ATXN1: variants seen among roughly 807,000 people sequenced by gnomAD.
The protein encoded by ATXN1 is ataxin-1.
Under a neutral mutation model 56.4 loss-of-function variants are expected in ATXN1, and 8 were observed. The observed-to-expected ratio is 0.14, with a 90% CI of 0.08 to 0.26. The LOEUF is 0.26. Among genes scored for constraint, ATXN1 ranks in the 10% least tolerant of loss-of-function variants. The probability of loss-of-function intolerance (pLI) is 1.00; values close to 1 mark genes in which losing one functional copy is unlikely to be tolerated. For synonymous variants in ATXN1, 514 were observed against 494.6 expected, an observed-to-expected ratio of 1.04 and a Z score of -0.52; for missense variants, 987 against 1,106.5, an observed-to-expected ratio of 0.89 and a Z score of 1.53.
chr6:16,625,864 A>C (rs551037548), intron 3 of ATXN1, among the ~76,000 whole-genome samples: 75 of 152,324 alleles, frequency 4.9e-4, no homozygotes, highest in Non-Finnish European at 8.8e-4. Context: ...TCTAGGTACC[A>C]AGCATTCCAG....
intron 6 of ATXN1, among the ~76,000 whole-genome samples, chr6:16,429,329 G>T (rs1759227077): frequency 7.0e-6 from 1 of 143,124 alleles, no homozygotes; most frequent in African/African-American, 2.6e-5. Flanking sequence ...AATATATGCA[G>T]AAATTTGACA....
intron 5 of ATXN1, among the ~76,000 whole-genome samples, chr6:16,515,209 G>A (rs1296880952): frequency 9.9e-5 from 15 of 151,810 alleles, no homozygotes; most frequent in Admixed American, 7.2e-4. Context: ...ATCTCCTTAC[G>A]CCTGCAACTG....
At chr6:16,524,286 C>T (rs1761349244) in intron 4 of ATXN1, among the ~76,000 whole-genome samples, 1 of 152,086 alleles carries the variant, frequency 6.6e-6, no homozygotes, top group African/African-American at 2.4e-5. Flanking sequence ...GGTGGGGCTG[C>T]AAAGACAAAG....
chr6:16,357,015 T>G (rs959482575), intron 6 of ATXN1, among the ~76,000 whole-genome samples: 2 of 152,136 alleles, frequency 1.3e-5, no homozygotes, highest in Non-Finnish European at 2.9e-5. Flanking sequence ...CTCTTTATAT[T>G]CTTTTCACCA....
intron 6 of ATXN1, among the ~76,000 whole-genome samples, chr6:16,443,977 G>C (rs369739804): frequency 6.6e-6 from 1 of 152,028 alleles, no homozygotes; most frequent in Non-Finnish European, 1.5e-5. Context: ...TTAGCCAGGC[G>C]TGGTGGCGGG....
chr6:16,630,021 A>T lies in ATXN1; in HGVS notation c.-489+27755T>A, dbSNP rs1763478003. The stretch of plus-strand genomic sequence containing the variant: ...TTTTAACATCTTGCCCATTTATTAG[A>T]TATTATAAAGGTTAAGATGAAAATG... On this transcript the variant is annotated intron_variant, in intron 3 of 7. Coordinates refer to ENST00000436367, the MANE Select transcript of ATXN1 (RefSeq NM_001128164.2). Among the ~76,000 whole-genome samples, 4 of 152,012 alleles carry T rather than the reference A, an allele frequency of 2.6e-5. No homozygotes were observed. In the South Asian group the frequency reaches 8.3e-4, roughly 32 times the overall value.
chr6:16,480,823 T>C (rs897786973), intron 6 of ATXN1, among the ~76,000 whole-genome samples: 1 of 152,092 alleles, frequency 6.6e-6, no homozygotes, highest in Admixed American at 6.6e-5. Flanking sequence ...CTCTCCAAGA[T>C]GCTGAGAGGA....
Position 16,306,302 on chromosome 6 carries a change from C to A in ATXN1, c.*27G>T. On this transcript the variant is annotated 3_prime_UTR_variant, in exon 8 of 8. Coordinates refer to ENST00000436367, the MANE Select transcript of ATXN1 (RefSeq NM_001128164.2). This position sits in a 1 kb window ranked among gnomAD's most constrained non-coding sequence, Gnocchi z 5.2. ...TCTGGATACAAATGATAAGGGAGAG[C>A]CACGTTTCCTTTCCCCCACGCTGCC... 6.4e-7 allele frequency: 1 copy of A among 1,569,558 alleles called. No individual in the cohort carries two copies. Among genetic ancestry groups the A allele is most frequent in the Non-Finnish European group, 8.6e-7 (1 of 1,161,968 alleles).
chr6:16,512,423 T>C (rs1025932909), intron 5 of ATXN1, among the ~76,000 whole-genome samples: 12 of 152,146 alleles, frequency 7.9e-5, no homozygotes, highest in African/African-American at 2.9e-4. Context: ...AAAAGCAAAG[T>C]CATTGCTGTG....
intron 6 of ATXN1, among the ~76,000 whole-genome samples, chr6:16,332,299 C>T (rs559669453): frequency 6.6e-6 from 1 of 152,130 alleles, no homozygotes; most frequent in East Asian, 1.9e-4. Flanking sequence ...CAGAGGGCGC[C>T]CCAGGATGGC....
chr6:16,485,888 C>CA (rs889610066), intron 6 of ATXN1, 84 bp downstream of exon 6: 17 of 152,286 alleles, frequency 1.1e-4, no homozygotes, highest in African/African-American at 4.1e-4. Flanking sequence ...AATACCCCTT[C>CA]AACACCTGGC....
At chr6:16,698,067 C>A (rs1759204629) in intron 2 of ATXN1, among the ~76,000 whole-genome samples, 1 of 152,176 alleles carries the variant, frequency 6.6e-6, no homozygotes, top group Non-Finnish European at 1.5e-5. Flanking sequence ...TTCTAATCAT[C>A]CCTTCTAATG....
chr6:16,530,003 TCAC>T (rs1761471812), intron 4 of ATXN1, among the ~76,000 whole-genome samples: 1 of 152,220 alleles, frequency 6.6e-6, no homozygotes, highest in Admixed American at 6.5e-5. Flanking sequence ...GTTGGAGAAG[TCAC>T]CAGCATTTCA....
At chr6:16,747,025 C>T (rs978518346) in intron 2 of ATXN1, among the ~76,000 whole-genome samples, 8 of 152,140 alleles carry the variant, frequency 5.3e-5, no homozygotes, top group African/African-American at 7.2e-5. Context: ...AGCCTCCAAA[C>T]TACCAGTCCA....
chr6:16,299,375 A>G lies in ATXN1; in HGVS notation c.*6954T>C, dbSNP rs955524429. The G allele has an allele frequency of 6.6e-6, 1 of 152,652 alleles. No homozygotes were observed. Among genetic ancestry groups the G allele is most frequent in the African/African-American group, 2.4e-5 (1 of 41,458 alleles). The allele number at this position is 152,652 out of a possible 1,614,324, so 9.5% of individuals were successfully genotyped here. A position where few individuals can be genotyped will look rare whatever the true frequency, so the allele number is the denominator to read the frequency against. ...AGAATATGAATTCTTCCATTTTTTA[A>G]TATTTGTTTAAAAAAGCTAGTGCAA... On this transcript the variant is annotated 3_prime_UTR_variant, in exon 8 of 8. Coordinates refer to ENST00000436367, the MANE Select transcript of ATXN1 (RefSeq NM_001128164.2).
chr6:16,346,349 C>G (rs1028280435), intron 6 of ATXN1, among the ~76,000 whole-genome samples: 1 of 152,144 alleles, frequency 6.6e-6, no homozygotes, highest in African/African-American at 2.4e-5. Context: ...GATTACAGCC[C>G]TGAGCCACCA....
At chr6:16,585,237 A>T (rs1409421409) in intron 4 of ATXN1, among the ~76,000 whole-genome samples, 1 of 152,042 alleles carries the variant, frequency 6.6e-6, no homozygotes, top group Non-Finnish European at 1.5e-5. Flanking sequence ...ACAGAGTGAG[A>T]CCCTATCTCA....
chr6:16,351,126 A>G (rs1368881236), intron 6 of ATXN1, among the ~76,000 whole-genome samples: 1 of 152,134 alleles, frequency 6.6e-6, no homozygotes, highest in Admixed American at 6.6e-5. Flanking sequence ...CACGTACCCT[A>G]CAGGGTTAGG....
intron 7 of ATXN1, among the ~76,000 whole-genome samples, chr6:16,310,301 A>G (rs1760359311): frequency 6.6e-6 from 1 of 152,186 alleles, no homozygotes; most frequent in Non-Finnish European, 1.5e-5. Context: ...CAGTAATTAA[A>G]AGAATTCACC....
Sources: gnomAD v4.1 joint callset for allele counts (sites outside exome capture counted in the v4.1 genomes callset) on GRCh38, gnomAD v4.1.1 for gene constraint, Gnocchi (gnomAD v3.1) non-coding constraint, MANE v1.5 for transcripts, NCBI Gene and HGNC (gene_info 2026-07-23, HGNC 2026-07-21) for gene names.